Variants in PEX16 observed in about 807,000 individuals in gnomAD.
The protein encoded by PEX16 is peroxisomal biogenesis factor 16, also known as peroxin 16.
In PEX16, 37 loss-of-function variants were observed where a neutral mutation model predicts 50.5. The observed-to-expected ratio is 0.73, with a 90% CI of 0.56 to 0.96. The LOEUF is 0.96. Ranked by LOEUF, PEX16 falls within the 40% of genes least tolerant of loss-of-function variation. PEX16 has a pLI of 0.00. For missense variants in PEX16, 401 were observed against 438.3 expected (o/e 0.91, Z 0.76); for synonymous variants, 185 against 190.3 (o/e 0.97, Z 0.23).
chr11:45,916,582 C>T (rs1171355503), intron 2 of PEX16, among the ~76,000 whole-genome samples: 2 of 152,222 alleles, frequency 1.3e-5, no homozygotes, highest in African/African-American at 2.4e-5. Flanking sequence ...CACAACTGCC[C>T]ATCGCTCTCT....
At chr11:45,917,988 G>A (rs2086858802), upstream of PEX16, 1 of 673,194 alleles carries the variant, frequency 1.5e-6, no homozygotes, top group Admixed American at 2.1e-5. Flanking sequence ...CCCATCTCTT[G>A]AACCGCTTCC....
rs1158895978 is a variant in PEX16 at position 45,910,406 on chromosome 11, GC to G, written c.953-95del. Reference sequence around the variant, plus strand: ...CCTCACCCCTGCGGCCCAGGAGCCAGCCCAGCTGGCTGTCTTGCCCTGCCCC... The same window carrying G: ...CCTCACCCCTGCGGCCCAGGAGCCAGCCAGCTGGCTGTCTTGCCCTGCCCC... On this transcript the variant is annotated intron_variant, in intron 10 of 10. Coordinates refer to ENST00000378750, the MANE Select transcript of PEX16 (RefSeq NM_004813.4). 5.8e-6 allele frequency: 6 copies of G among 1,040,922 alleles called. No individual in the cohort carries two copies. In the African/African-American group the frequency reaches 7.9e-5, roughly 14 times the overall value. 64.5% of individuals were successfully genotyped at this position (1,040,922 alleles called of 1,614,324 possible).
In PEX16 at chr11:45,909,791, G is replaced by A. The variant is rs2086755573; in HGVS notation, c.*463C>T. The A allele has an allele frequency of 2.1e-6, 1 of 483,698 alleles. No homozygotes were observed. Among genetic ancestry groups the A allele is most frequent in the East Asian group, 3.6e-5 (1 of 27,562 alleles). The allele number at this position is 483,698 out of a possible 1,614,324, so 30.0% of individuals were successfully genotyped here. A position where few individuals can be genotyped will look rare whatever the true frequency, so the allele number is the denominator to read the frequency against. On this transcript the variant is annotated 3_prime_UTR_variant, in exon 11 of 11. Transcript: ENST00000378750. ...GGAGGCTGGCAACGCCATGGCCTGG[G>A]GCTGCCAGAGCCACAGGGCCCTGCG...
intron 9 of PEX16, among the ~76,000 whole-genome samples, chr11:45,911,574 C>T (rs1038943028): frequency 3.9e-5 from 6 of 152,236 alleles, no homozygotes; most frequent in East Asian, 1.9e-4. Flanking sequence ...CACTGCTGTA[C>T]GCGTTAGTCA....
Position 45,915,586 on chromosome 11 carries a change from T to G in PEX16, c.360-18A>C, listed in dbSNP as rs376700606. The stretch of plus-strand genomic sequence containing the variant: ...GTACAGCCCTGGGTCGGGGAGTATG[T>G]CAGGGTTGTGGGGAGGTGGCTAGCC... On this transcript the variant is annotated intron_variant, in intron 4 of 10. Transcript: ENST00000378750. 8.2e-5 allele frequency: 132 copies of G among 1,613,588 alleles called. No individual in the cohort carries two copies. Among genetic ancestry groups the G allele is most frequent in the Non-Finnish European group, 1.1e-4 (126 of 1,179,680 alleles).
intron 2 of PEX16, chr11:45,917,052 A>G: frequency 2.0e-6 from 1 of 507,052 alleles, no homozygotes; most frequent in Non-Finnish European, 3.8e-6. Flanking sequence ...GGTAGTTACA[A>G]TCTGGGAATC....
In PEX16 at chr11:45,909,679, A is replaced by C; in HGVS notation, c.*575T>G. The C allele has an allele frequency of 4.2e-6, 1 of 238,094 alleles. No individual in the cohort carries two copies. The highest frequency in any genetic ancestry group is 8.4e-6 in the Non-Finnish European group (1 of 119,028). The allele number at this position is 238,094 out of a possible 1,614,324, so 14.7% of individuals were successfully genotyped here. A position where few individuals can be genotyped will look rare whatever the true frequency, so the allele number is the denominator to read the frequency against. On this transcript the variant is annotated 3_prime_UTR_variant, in exon 11 of 11. Coordinates refer to ENST00000378750, the MANE Select transcript of PEX16 (RefSeq NM_004813.4). ...CCGATGTCCTTTTTCTAAGGGAGAAAAGCCTTTTACTCTCAACCGAGGATG... is the reference window on the plus strand; with the variant it reads ...CCGATGTCCTTTTTCTAAGGGAGAACAGCCTTTTACTCTCAACCGAGGATG...
Position 45,915,509 on chromosome 11 carries a change from G to C in PEX16, c.419C>G (p.Pro140Arg), listed in dbSNP as rs764641368. The change falls in exon 5 of 11, where the codon CCT becomes CGT. Residue 140 changes from proline (P) to arginine (R), a missense_variant. Physicochemically the swap from Pro to Arg is moderately radical, Grantham distance 103. Coordinates refer to ENST00000378750, the MANE Select transcript of PEX16 (RefSeq NM_004813.4). ...WFKAGLQTSP[P>R]IVPLDRETQA... is the part of the protein sequence containing the mutation. The stretch of plus-strand genomic sequence containing the variant: ...GGTCTCTCTGTCCAGTGGAACGATA[G>C]GGGGTGAAGTCTGGAGGCCAGCCTT... 18 of 1,614,058 alleles carry C rather than the reference G, an allele frequency of 1.1e-5. No homozygotes were observed. The highest frequency in any genetic ancestry group is 1.3e-5 in the African/African-American group (1 of 74,938).
chr11:45,913,601 C>T (rs1320338266), intron 9 of PEX16, among the ~76,000 whole-genome samples: 1 of 152,260 alleles, frequency 6.6e-6, no homozygotes, highest in Non-Finnish European at 1.5e-5. Flanking sequence ...AGTGCCTCTC[C>T]TGCCAACCAA....
At chr11:45,916,071 A>G (rs1843464908) in intron 3 of PEX16, among the ~76,000 whole-genome samples, 156 bp downstream of exon 3, 1 of 151,936 alleles carries the variant, frequency 6.6e-6, no homozygotes, top group African/African-American at 2.4e-5. Context: ...GGGAATACTC[A>G]CACTTTACAG....
At chr11:45,917,983 C>T, upstream of PEX16, 1 of 678,272 alleles carries the variant, frequency 1.5e-6, no homozygotes, top group Non-Finnish European at 2.7e-6. Context: ...TTCACCCCAT[C>T]TCTTGAACCG....
intron 1 of PEX16, 44 bp downstream of exon 1, chr11:45,917,656 T>G (rs1032745977): frequency 6.6e-7 from 1 of 1,507,732 alleles, no homozygotes; most frequent in Admixed American, 2.0e-5. Context: ...ACTGGGGTCA[T>G]AGGTCAGGGC....
chr11:45,915,551 A>G lies in PEX16; in HGVS notation c.377T>C (p.Leu126Pro), dbSNP rs1474077236. 1 of 1,613,998 alleles carries G rather than the reference A, an allele frequency of 6.2e-7. No individual in the cohort carries two copies. The highest frequency in any genetic ancestry group is 1.7e-5 in the Admixed American group (1 of 60,004). ...GCCAGCCTTGAACCAGAGCAGCAGG[A>G]GCATCCGCAGTACAGCCCTGGGTCG... Reference protein sequence around the residue: ...VQLAKAVLRMLLLLWFKAGLQ... With the variant: ...VQLAKAVLRMPLLLWFKAGLQ... Residue 126 changes from leucine to proline, a missense_variant, in exon 5 of 11, where the codon CTC (leucine) becomes CCC (proline). Coordinates refer to ENST00000378750, the MANE Select transcript of PEX16 (RefSeq NM_004813.4).
chr11:45,910,257 G>GC lies in PEX16; in HGVS notation c.1007dup (p.Ter337LeufsTer120). ...CACCCTCCTTCCGGGAGGTCTGTCA[G>GC]CCCCAACTGTAGAAGTAGATTTTCT... On this transcript the variant is annotated frameshift_variant, in exon 11 of 11. Transcript: ENST00000378750. LOFTEE classifies it high-confidence loss of function. 1 of 1,613,688 alleles carries GC rather than the reference G, an allele frequency of 6.2e-7. No homozygotes were observed. Among genetic ancestry groups the GC allele is most frequent in the Non-Finnish European group, 8.5e-7 (1 of 1,179,868 alleles).
intron 9 of PEX16, among the ~76,000 whole-genome samples, chr11:45,913,264 G>A (rs1002472739): frequency 2.0e-5 from 3 of 152,208 alleles, no homozygotes; most frequent in African/African-American, 7.2e-5. Context: ...TGGCAGGCCT[G>A]TGGAAGAACT....
intron 9 of PEX16, among the ~76,000 whole-genome samples, chr11:45,911,622 T>C (rs1011354519): frequency 1.3e-5 from 2 of 152,168 alleles, no homozygotes; most frequent in African/African-American, 2.4e-5. Context: ...ATCATCCCCA[T>C]CTTACAGGTG....
In PEX16 at chr11:45,910,892, G is replaced by A. The variant is rs560563187; in HGVS notation, c.952+6C>T. 2 of 1,613,082 alleles carry A rather than the reference G, an allele frequency of 1.2e-6. No individual in the cohort carries two copies. The highest frequency in any genetic ancestry group is 4.5e-5 in the East Asian group (2 of 44,878). On this transcript the variant is annotated splice_donor_region_variant and intron_variant, in intron 10 of 10. Transcript: ENST00000378750. The stretch of plus-strand genomic sequence containing the variant: ...CTACAGTCATCGCGTCCCCATCCCT[G>A]CTTACTTGTGACCAGGCCAACGCCA...
rs374378715 is a variant in PEX16 at position 45,910,335 on chromosome 11, C to T, written c.953-23G>A. 1.4e-5 allele frequency: 22 copies of T among 1,582,544 alleles called. No individual in the cohort carries two copies. In the African/African-American group the frequency reaches 2.4e-4, roughly 17 times the overall value. ...GCCCTGCAGTGGGAGAGGGACACAT[C>T]AGGGCAGGCCAGACCCCAATCTGCA... On this transcript the variant is annotated intron_variant, in intron 10 of 10. Coordinates refer to ENST00000378750, the MANE Select transcript of PEX16 (RefSeq NM_004813.4).
intron 2 of PEX16, 144 bp from the exon 3 acceptor site, chr11:45,916,447 A>C: frequency 1.3e-6 from 1 of 743,322 alleles, no homozygotes; most frequent in Non-Finnish European, 2.4e-6. Flanking sequence ...TTCTCCACCC[A>C]CTTCCTCAGC....
Sources: gnomAD v4.1 joint callset for allele counts (sites outside exome capture counted in the v4.1 genomes callset) on GRCh38, gnomAD v4.1.1 for gene constraint, MANE v1.5 for transcripts, NCBI Gene and HGNC (gene_info 2026-07-23, HGNC 2026-07-21) for gene names.